Variants in ZDHHC14 observed in about 807,000 individuals in gnomAD.
The protein encoded by ZDHHC14 is zDHHC palmitoyltransferase 14, also known as palmitoyltransferase ZDHHC14.
Under a neutral mutation model 47.7 loss-of-function variants are expected in ZDHHC14, and 16 were observed. The observed-to-expected ratio is 0.34, with a 90% CI of 0.23 to 0.51. ZDHHC14 has a LOEUF of 0.51. Ranked by LOEUF, ZDHHC14 falls within the 20% of genes least tolerant of loss-of-function variation. The pLI, the probability that ZDHHC14 is intolerant of heterozygous loss-of-function variation, is 0.97. For synonymous variants in ZDHHC14, 293 were observed against 278.9 expected, an observed-to-expected ratio of 1.05 and a Z score of -0.50; for missense variants, 515 against 662.5, an observed-to-expected ratio of 0.78 and a Z score of 2.44.
At chr6:157,611,925 G>A (rs970296763) in intron 3 of ZDHHC14, among the ~76,000 whole-genome samples, 16 of 152,044 alleles carry the variant, frequency 1.1e-4, no homozygotes, top group Non-Finnish European at 1.5e-5. Context: ...TTTCTGCCAG[G>A]CTTATGTCTC....
At chr6:157,645,322 C>T (rs947761230) in intron 5 of ZDHHC14, among the ~76,000 whole-genome samples, 1 of 152,066 alleles carries the variant, frequency 6.6e-6, no homozygotes, top group Non-Finnish European at 1.5e-5. Flanking sequence ...GATTGATGTG[C>T]GAGTCAATAT....
intron 6 of ZDHHC14, among the ~76,000 whole-genome samples, chr6:157,646,699 T>C (rs1022092951): frequency 1.3e-5 from 2 of 152,190 alleles, no homozygotes; most frequent in Non-Finnish European, 2.9e-5. Context: ...ACTTAGATTT[T>C]GATAGAAGTC....
chr6:157,616,016 G>A (rs920885322), intron 3 of ZDHHC14, among the ~76,000 whole-genome samples: 4 of 152,178 alleles, frequency 2.6e-5, no homozygotes, highest in Non-Finnish European at 5.9e-5. Flanking sequence ...AGACACATTG[G>A]GGGTGCAGCC....
intron 8 of ZDHHC14, among the ~76,000 whole-genome samples, chr6:157,658,480 C>T (rs2114999381): frequency 6.6e-6 from 1 of 152,268 alleles, no homozygotes; most frequent in South Asian, 2.1e-4. Context: ...CTCTCAGCTC[C>T]TCCTCTCCTC....
At chr6:157,609,855 A>C (rs930937561) in intron 3 of ZDHHC14, among the ~76,000 whole-genome samples, 2 of 152,222 alleles carry the variant, frequency 1.3e-5, no homozygotes, top group African/African-American at 2.4e-5. Context: ...GGGAACAAGC[A>C]GTGGGACCCA....
intron 4 of ZDHHC14, 171 bp downstream of exon 4, chr6:157,628,657 C>T (rs1785534990): frequency 1.2e-6 from 1 of 808,944 alleles, no homozygotes; most frequent in Non-Finnish European, 1.9e-6. Flanking sequence ...CACCCTCCTC[C>T]ATCCCTCCTC....
intron 1 of ZDHHC14, among the ~76,000 whole-genome samples, chr6:157,528,570 A>G (rs1405533389): frequency 6.6e-6 from 1 of 152,066 alleles, no homozygotes; most frequent in Non-Finnish European, 1.5e-5. Context: ...TCTCTACTAA[A>G]AATACAAAGA....
intron 2 of ZDHHC14, among the ~76,000 whole-genome samples, chr6:157,553,631 G>T (rs1487178417): frequency 2.0e-5 from 3 of 152,064 alleles, no homozygotes; most frequent in South Asian, 2.1e-4. Flanking sequence ...TCGTATGCTG[G>T]GGGGTGGGAG....
chr6:157,389,706 C>CCAAATAATAGTATTATTCTTCA (rs1777383359), intron 1 of ZDHHC14, among the ~76,000 whole-genome samples: 1 of 152,070 alleles, frequency 6.6e-6, no homozygotes, highest in South Asian at 2.1e-4. Context: ...CAGTCTATCT[C>CCAAATAATAGTATTATTCTTCA]CAAATAATAG....
intron 1 of ZDHHC14, among the ~76,000 whole-genome samples, chr6:157,479,229 A>G (rs1335197833): frequency 6.6e-6 from 1 of 152,250 alleles, no homozygotes; most frequent in Non-Finnish European, 1.5e-5. Context: ...GGGATATAGT[A>G]CTTACCTCAT....
chr6:157,527,599 G>A (rs1402623489), intron 1 of ZDHHC14, among the ~76,000 whole-genome samples: 2 of 152,164 alleles, frequency 1.3e-5, no homozygotes, highest in African/African-American at 2.4e-5. Flanking sequence ...CTACAGTCAC[G>A]AGGTTTTGCC....
intron 1 of ZDHHC14, among the ~76,000 whole-genome samples, chr6:157,530,689 A>G (rs1035035581): frequency 6.6e-5 from 10 of 152,150 alleles, no homozygotes; most frequent in Admixed American, 6.5e-4. Context: ...ACTCAAAAGC[A>G]CCTTATTTCC....
chr6:157,457,433 A>T (rs1401173380), intron 1 of ZDHHC14, among the ~76,000 whole-genome samples: 1 of 152,214 alleles, frequency 6.6e-6, no homozygotes, highest in Non-Finnish European at 1.5e-5. Context: ...TGCTCTAAGA[A>T]TTCTGGAGAA....
At chr6:157,408,620 C>T (rs1777814568) in intron 1 of ZDHHC14, among the ~76,000 whole-genome samples, 1 of 152,170 alleles carries the variant, frequency 6.6e-6, no homozygotes, top group African/African-American at 2.4e-5. Flanking sequence ...ATCCATGTGC[C>T]TGCAAAGGAC....
At chr6:157,603,952 C>T (rs1784434135) in intron 3 of ZDHHC14, among the ~76,000 whole-genome samples, 1 of 152,192 alleles carries the variant, frequency 6.6e-6, no homozygotes, top group Non-Finnish European at 1.5e-5. Context: ...ACATTTGGCT[C>T]TCTGTATTCA....
chr6:157,653,768 C>T, intron 8 of ZDHHC14, 141 bp downstream of exon 8: 1 of 718,470 alleles, frequency 1.4e-6, no homozygotes, highest in South Asian at 1.8e-5. Context: ...CTACTGCGCT[C>T]AGACAGGAGG....
intron 1 of ZDHHC14, among the ~76,000 whole-genome samples, chr6:157,385,753 T>C (rs1341759500): frequency 6.6e-6 from 1 of 152,256 alleles, no homozygotes; most frequent in African/African-American, 2.4e-5. Flanking sequence ...GGAAGGCTTC[T>C]GGCTGCAAAG....
Position 157,675,958 on chromosome 6 carries a change from A to T in ZDHHC14, c.*2836A>T, listed in dbSNP as rs1208669783. The T allele has an allele frequency of 4.6e-5, 7 of 152,244 alleles. No individual in the cohort carries two copies. Among genetic ancestry groups the T allele is most frequent in the Non-Finnish European group, 5.9e-5 (4 of 68,038 alleles). The allele number at this position is 152,244 out of a possible 1,614,324, so 9.4% of individuals were successfully genotyped here. On this transcript the variant is annotated 3_prime_UTR_variant, in exon 9 of 9. Transcript: ENST00000359775. ...CACTCATTCTGCTGTTTAAAAATTC[A>T]TCTGCGTTCGTTCTCCCAGGAGTGC...
At chr6:157,638,038 T>C (rs1411637246) in intron 5 of ZDHHC14, among the ~76,000 whole-genome samples, 2 of 152,096 alleles carry the variant, frequency 1.3e-5, no homozygotes, top group African/African-American at 4.8e-5. Flanking sequence ...AAGCCCGGAC[T>C]GGGTGGTATC....
Sources: allele counts gnomAD v4.1 joint callset (sites outside exome capture counted in the v4.1 genomes callset), GRCh38; gene constraint gnomAD v4.1.1; transcripts MANE v1.5; gene names NCBI Gene and HGNC (gene_info 2026-07-23, HGNC 2026-07-21).